IL13RA1: variants seen among roughly 807,000 people sequenced by gnomAD.
IL13RA1 encodes the protein interleukin 13 receptor subunit alpha 1, also known as interleukin-13 receptor subunit alpha-1.
Under a neutral mutation model 33.8 loss-of-function variants are expected in IL13RA1, and 14 were observed. That is an observed-to-expected ratio of 0.41 (90% CI 0.27 to 0.65). IL13RA1 has a LOEUF of 0.65. Among genes scored for constraint, IL13RA1 ranks in the 30% least tolerant of loss-of-function variants. The probability of loss-of-function intolerance (pLI) is 0.28; values close to 1 mark genes in which losing one functional copy is unlikely to be tolerated. For missense variants in IL13RA1, 313 were observed against 327.0 expected, an observed-to-expected ratio of 0.96 and a Z score of 0.33; for synonymous variants, 116 against 115.7, an observed-to-expected ratio of 1.00 and a Z score of -0.02.
chrX:118,736,533 G>GTT (rs751053252), intron 1 of IL13RA1, among the ~76,000 whole-genome samples: 1 of 111,645 alleles, frequency 9.0e-6, no homozygotes, highest in Non-Finnish European at 1.9e-5. Flanking sequence ...GTCTTCTCAG[G>GTT]TTTTTTTCTG....
intron 10 of IL13RA1, among the ~76,000 whole-genome samples, chrX:118,784,645 C>G (rs1235845908): frequency 9.0e-6 from 1 of 111,378 alleles, no homozygotes; most frequent in Non-Finnish European, 1.9e-5. Context: ...CAACATTGCT[C>G]CAGTCATTTG....
At chrX:118,794,935 G>A (rs1443578155), downstream of IL13RA1, among the ~76,000 whole-genome samples, 1 of 111,511 alleles carries the variant, frequency 9.0e-6, no homozygotes, top group African/African-American at 3.3e-5. Flanking sequence ...AAGAAAGTCA[G>A]TTTTTGACTG....
intron 3 of IL13RA1, among the ~76,000 whole-genome samples, chrX:118,747,514 G>A (rs952406013): frequency 9.0e-6 from 1 of 110,508 alleles, no homozygotes; most frequent in African/African-American, 3.3e-5. Context: ...TCACATTTCA[G>A]GCCCAGTGCT....
intron 10 of IL13RA1, among the ~76,000 whole-genome samples, chrX:118,787,619 T>C (rs766126879): frequency 1.1e-4 from 12 of 111,751 alleles, no homozygotes; most frequent in Non-Finnish European, 1.9e-5. Flanking sequence ...CATCTCTATC[T>C]ATGACTGCAT....
At chrX:118,779,828 TA>T (rs1417692914) in intron 10 of IL13RA1, among the ~76,000 whole-genome samples, 2 of 111,017 alleles carry the variant, frequency 1.8e-5, no homozygotes, top group African/African-American at 6.5e-5. Context: ...GTAGGGAGAG[TA>T]AAAAATAATT....
intron 6 of IL13RA1, among the ~76,000 whole-genome samples, 193 bp from the exon 7 acceptor site, chrX:118,766,337 A>T (rs1321695775): frequency 1.8e-5 from 2 of 110,966 alleles, no homozygotes; most frequent in Non-Finnish European, 3.8e-5. Context: ...GGGCGTCAAG[A>T]ATCTTTTTTT....
intron 8 of IL13RA1, chrX:118,770,881 C>T (rs2017711750): frequency 7.7e-6 from 2 of 258,856 alleles, no homozygotes; most frequent in Admixed American, 1.0e-4. Context: ...TTTCCAACGA[C>T]CCTTCCTGCT....
intron 1 of IL13RA1, among the ~76,000 whole-genome samples, chrX:118,735,041 T>A (rs2017265972): frequency 9.0e-6 from 1 of 111,218 alleles, no homozygotes; most frequent in African/African-American, 3.3e-5. Flanking sequence ...ATGTGTCCAT[T>A]TCATCTAGGC....
chrX:118,790,246 T>C (rs755672160), intron 10 of IL13RA1, among the ~76,000 whole-genome samples: 1 of 112,254 alleles, frequency 8.9e-6, no homozygotes, highest in East Asian at 2.8e-4. Context: ...ACATAGCTTT[T>C]TGAGTTTGGC....
intron 10 of IL13RA1, among the ~76,000 whole-genome samples, chrX:118,790,418 A>C (rs752653959): frequency 6.2e-5 from 7 of 112,037 alleles, no homozygotes; most frequent in Non-Finnish European, 1.3e-4. Flanking sequence ...TCTAGTTTTT[A>C]ATCTATTATT....
At chrX:118,756,557 T>G (rs1190919517) in intron 4 of IL13RA1, among the ~76,000 whole-genome samples, 1 of 111,475 alleles carries the variant, frequency 9.0e-6, no homozygotes, top group African/African-American at 3.3e-5. Flanking sequence ...GGGAGGTCAA[T>G]CTGAAGAAGC....
chrX:118,785,609 C>T (rs777037210), intron 10 of IL13RA1, among the ~76,000 whole-genome samples: 89 of 111,481 alleles, frequency 8.0e-4, no homozygotes, highest in Non-Finnish European at 1.6e-3. Context: ...CTCACTCCAT[C>T]GCCCAGGCTG....
Position 118,749,658 on chromosome X carries a change from G to A in IL13RA1, c.368G>A (p.Gly123Asp). ...TAAACTCTTGGCCTGGATATTCTAGGTGATCCTGAGTCTGCTGTGACTGAG... is the reference window on the plus strand; with the variant it reads ...TAAACTCTTGGCCTGGATATTCTAGATGATCCTGAGTCTGCTGTGACTGAG... ...LVEKCISPPE[G>D]DPESAVTELQ... is the part of the protein sequence containing the mutation. Residue 123 changes from glycine to aspartate, a missense_variant and splice_region_variant, in exon 4 of 11, where the codon GGT (glycine) becomes GAT (aspartate). By Grantham distance (94) the Gly-to-Asp change is moderately conservative. Coordinates refer to ENST00000371666, the MANE Select transcript of IL13RA1 (RefSeq NM_001560.3). The A allele has an allele frequency of 8.3e-7, 1 of 1,207,653 alleles. No homozygotes were observed. Among genetic ancestry groups the A allele is most frequent in the Non-Finnish European group, 1.1e-6 (1 of 891,902 alleles).
chrX:118,762,238 TTTTG>T (rs771409759), intron 6 of IL13RA1, among the ~76,000 whole-genome samples: 13 of 111,973 alleles, frequency 1.2e-4, no homozygotes, highest in Admixed American at 6.6e-4. Context: ...CAAAGTCGTG[TTTTG>T]TTTGTTTGTT....
At chrX:118,784,090 A>T (rs5909559) in intron 10 of IL13RA1, among the ~76,000 whole-genome samples, 27,065 of 63,727 alleles carry the variant, frequency 0.42, 5,240 homozygotes, top group Middle Eastern at 0.54. Context: ...AAAAAAAAAA[A>T]ATATATATAT....
intron 4 of IL13RA1, 133 bp downstream of exon 4, chrX:118,749,911 A>G (rs1296272299): frequency 1.4e-5 from 6 of 436,357 alleles, no homozygotes; most frequent in East Asian, 1.0e-4. Context: ...GTTTGCTTCA[A>G]TGAAAAATGC....
intron 1 of IL13RA1, among the ~76,000 whole-genome samples, chrX:118,730,845 G>A (rs1224430223): frequency 8.9e-6 from 1 of 112,010 alleles, no homozygotes; most frequent in Non-Finnish European, 1.9e-5. Context: ...TTGCATGATT[G>A]GGGTAACTAA....
At chrX:118,755,084 G>T (rs2017514856) in intron 4 of IL13RA1, among the ~76,000 whole-genome samples, 1 of 107,772 alleles carries the variant, frequency 9.3e-6, no homozygotes, top group South Asian at 4.1e-4. Context: ...GAGTAGCTGG[G>T]ATTACAGGCA....
chrX:118,785,324 GCTTCAAGTTATTCCCC>G (rs1466700054), intron 10 of IL13RA1, among the ~76,000 whole-genome samples: 2 of 110,364 alleles, frequency 1.8e-5, no homozygotes, highest in Admixed American at 9.7e-5. Context: ...TGAACTACTG[GCTTCAAGTTATTCCCC>G]CACCTGGAAC....
Sources: allele counts gnomAD v4.1 joint callset (sites outside exome capture counted in the v4.1 genomes callset), GRCh38; gene constraint gnomAD v4.1.1; transcripts MANE v1.5; gene names NCBI Gene and HGNC (gene_info 2026-07-23, HGNC 2026-07-21).